Variants in NLRP3 observed in about 807,000 individuals in gnomAD.
NLRP3 encodes the protein NACHT, LRR and PYD domains-containing protein 3.
In NLRP3, 48 loss-of-function variants were observed where a neutral mutation model predicts 91.3. The observed-to-expected ratio is 0.53, with a 90% CI of 0.42 to 0.67. The LOEUF (loss-of-function observed/expected upper bound fraction) is 0.67, where lower values mean the gene tolerates loss of function less well. Ranked by LOEUF, NLRP3 falls within the 30% of genes least tolerant of loss-of-function variation. The pLI, the probability that NLRP3 is intolerant of heterozygous loss-of-function variation, is 0.00. For synonymous variants in NLRP3, 561 were observed against 507.9 expected, an observed-to-expected ratio of 1.10 and a Z score of -1.41; for missense variants, 982 against 1,276.9, an observed-to-expected ratio of 0.77 and a Z score of 3.52.
chr1:247,431,212 A>T (rs12062001), intron 5 of NLRP3, among the ~76,000 whole-genome samples: 25,907 of 150,054 alleles, frequency 0.17, 2,837 homozygotes, highest in African/African-American at 0.32. Flanking sequence ...ATAATAATAA[A>T]AAATGTGCTT....
At chr1:247,431,212 A>AATAATAATAATAATAATAATAAT (rs547689900) in intron 5 of NLRP3, among the ~76,000 whole-genome samples, 12 of 150,530 alleles carry the variant, frequency 8.0e-5, no homozygotes, top group African/African-American at 2.9e-4. Context: ...ATAATAATAA[A>AATAATAATAATAATAATAATAAT]AAATGTGCTT....
At chr1:247,429,282 G>A (rs1482107631) in intron 4 of NLRP3, among the ~76,000 whole-genome samples, 1 of 152,082 alleles carries the variant, frequency 6.6e-6, no homozygotes, top group East Asian at 1.9e-4. Flanking sequence ...GAACGTTCAG[G>A]GCCATGTTGG....
At chr1:247,430,967 T>C (rs571928864) in intron 5 of NLRP3, among the ~76,000 whole-genome samples, 1 of 151,884 alleles carries the variant, frequency 6.6e-6, no homozygotes, top group Non-Finnish European at 1.5e-5. Context: ...TGTGGTCTCA[T>C]CACGTTGCCC....
chr1:247,436,243 T>G, intron 7 of NLRP3, 103 bp downstream of exon 7: 1 of 1,128,022 alleles, frequency 8.9e-7, no homozygotes, highest in Non-Finnish European at 1.3e-6. Context: ...GAGCTGAAGG[T>G]AGAGTAAGGA....
At position 247,444,732 on chromosome 1, in the gene NLRP3, G is replaced by T. The variant is rs368399424; in HGVS notation, c.2916G>T (p.Leu972=). 8 of 1,614,160 alleles carry T rather than the reference G, an allele frequency of 5.0e-6. No individual in the cohort carries two copies. In the African/African-American group the frequency reaches 1.1e-4, roughly 22 times the overall value. The change falls in exon 9 of 10, where the codon CTG becomes CTT. Residue 972 remains leucine (L), a synonymous_variant. Transcript: ENST00000336119. ...CCTCCAGCCAGAGCCTGCGAAAGCT[G>T]AGCCTGGGCAACAATGACCTGGGCG... ...LLTSSQSLRK[L]SLGNNDLGDL...
Position 247,439,644 on chromosome 1 carries a change from G to C in NLRP3, c.2663+3504G>C, listed in dbSNP as rs550530399. ...TCACAATCTGAAGTACTGGGGCCTA[G>C]GACTTCCACATATAAAGTCTTAGAG... On this transcript the variant is annotated intron_variant, in intron 7 of 9. Coordinates refer to ENST00000336119, the MANE Select transcript of NLRP3 (RefSeq NM_001243133.2). Among the ~76,000 whole-genome samples the C allele has an allele frequency of 9.2e-5, 14 of 152,294 alleles. 2 individuals carry two copies. The South Asian group carries it at 2.5e-3, about 27-fold the overall frequency.
chr1:247,436,305 G>T (rs1311556345), intron 7 of NLRP3, among the ~76,000 whole-genome samples, 165 bp downstream of exon 7: 1 of 152,170 alleles, frequency 6.6e-6, no homozygotes, highest in Non-Finnish European at 1.5e-5. Context: ...AATGTATACT[G>T]CTGCTAATAA....
rs755242195 is a variant in NLRP3, at chr1:247,418,765, G to A, written c.-36G>A. The A allele has an allele frequency of 3.7e-6, 6 of 1,612,500 alleles. No homozygotes were observed. The highest frequency in any genetic ancestry group is 1.1e-5 in the South Asian group (1 of 90,980). ...ACTGCCTGGTATCTTAGTGTGGACC[G>A]AAGCCTAAGGACCCTGAAAACAGCT... On this transcript the variant is annotated 5_prime_UTR_variant, in exon 2 of 10. Coordinates refer to ENST00000336119, the MANE Select transcript of NLRP3 (RefSeq NM_001243133.2).
In NLRP3 at chr1:247,425,074, C is replaced by T. The variant is rs199856287; in HGVS notation, c.1625C>T (p.Thr542Met). 78 of 1,614,022 alleles carry T rather than the reference C, an allele frequency of 4.8e-5. No homozygotes were observed. Among genetic ancestry groups the T allele is most frequent in the Middle Eastern group, 1.6e-4 (1 of 6,084 alleles). ...YLLEEEKEGR[T>M]NVPGSRLKLP... is the part of the protein sequence containing the mutation. ...CTGGAAGAGGAAAAGGAAGGAAGGACGAACGTTCCAGGGAGTCGTTTGAAG... is the reference window on the plus strand; with the variant it reads ...CTGGAAGAGGAAAAGGAAGGAAGGATGAACGTTCCAGGGAGTCGTTTGAAG... The change falls in exon 4 of 10, where the codon ACG becomes ATG. Residue 542 changes from threonine to methionine, a missense_variant. By Grantham distance (81) the Thr-to-Met change is moderately conservative. Transcript: ENST00000336119. This position sits in a 1 kb window ranked among gnomAD's most constrained non-coding sequence, Gnocchi z 4.1.
intron 2 of NLRP3, among the ~76,000 whole-genome samples, chr1:247,420,435 C>T (rs1424792583): frequency 4.0e-5 from 6 of 151,522 alleles, no homozygotes; most frequent in Non-Finnish European, 5.9e-5. Context: ...AAATCATGGC[C>T]GGGCATGGTG....
intron 6 of NLRP3, 152 bp downstream of exon 6, chr1:247,434,425 CG>C: frequency 1.3e-6 from 1 of 788,088 alleles, no homozygotes; most frequent in Non-Finnish European, 2.2e-6. Flanking sequence ...TCTAGCATTG[CG>C]GTCAGTGAGT....
intron 8 of NLRP3, 150 bp downstream of exon 8, chr1:247,444,292 G>T: frequency 1.2e-6 from 1 of 864,450 alleles, no homozygotes; most frequent in East Asian, 2.5e-5. Context: ...GGACTGGGAG[G>T]AGTCCTTCCA....
intron 3 of NLRP3, 138 bp downstream of exon 3, chr1:247,423,487 A>G: frequency 2.8e-6 from 3 of 1,070,806 alleles, no homozygotes; most frequent in Non-Finnish European, 4.3e-6. Flanking sequence ...CAGGAAATCC[A>G]TTGTCAGTTG....
chr1:247,445,998 C>T (rs769991451), intron 9 of NLRP3, among the ~76,000 whole-genome samples: 9 of 152,046 alleles, frequency 5.9e-5, no homozygotes, highest in East Asian at 1.9e-4. Context: ...ACCTCTCAAA[C>T]GTCACATCTA....
rs1215652398 is a variant in NLRP3, at chr1:247,418,608, A to G, written c.-193A>G. 1.4e-6 allele frequency: 1 copy of G among 725,922 alleles called. No homozygotes were observed. Among genetic ancestry groups the G allele is most frequent in the Non-Finnish European group, 2.3e-6 (1 of 441,746 alleles). The allele number at this position is 725,922 out of a possible 1,614,324, so 45.0% of individuals were successfully genotyped here. A position where few individuals can be genotyped will look rare whatever the true frequency, so the allele number is the denominator to read the frequency against. On this transcript the variant is annotated 5_prime_UTR_variant, in exon 2 of 10. Coordinates refer to ENST00000336119, the MANE Select transcript of NLRP3 (RefSeq NM_001243133.2). ...TGAGCCACTGTGCCCGGCCTTGGCT[A>G]ACTTTTCAAAATTAAAGATTTTGAC...
chr1:247,417,892 C>T (rs747356404), intron 1 of NLRP3, among the ~76,000 whole-genome samples, 161 bp from the exon 2 acceptor site: 1 of 152,182 alleles, frequency 6.6e-6, no homozygotes, highest in Non-Finnish European at 1.5e-5. Context: ...CTCCTCTCTC[C>T]CTAGCCACGT....
chr1:247,435,540 C>T (rs115581072), intron 6 of NLRP3, among the ~76,000 whole-genome samples: 1,948 of 152,166 alleles, frequency 0.013, 32 homozygotes, highest in African/African-American at 0.044. Flanking sequence ...CAGGAAGAAA[C>T]GTGGTTGCAG....
Position 247,420,315 on chromosome 1 carries a change from C to T in NLRP3, c.277+1238C>T, listed in dbSNP as rs188151977. ...CTTTATGTATTCTAGATATTAACCC[C>T]ATATCAGATATATGATTTACAAATA... On this transcript the variant is annotated intron_variant, in intron 2 of 9. Transcript: ENST00000336119. Among the ~76,000 whole-genome samples the T allele has an allele frequency of 5.3e-4, 80 of 152,228 alleles. 1 individual carries two copies. Among genetic ancestry groups the T allele is most frequent in the African/African-American group, 1.9e-3 (79 of 41,518 alleles).
intron 7 of NLRP3, 146 bp downstream of exon 7, chr1:247,436,286 G>T (rs1663786240): frequency 2.7e-6 from 2 of 743,408 alleles, no homozygotes; most frequent in Non-Finnish European, 4.7e-6. Flanking sequence ...TGAAGGACTG[G>T]AGGCATATAA....
Sources: allele counts gnomAD v4.1 joint callset (sites outside exome capture counted in the v4.1 genomes callset), GRCh38; gene constraint gnomAD v4.1.1; non-coding constraint Gnocchi (gnomAD v3.1); transcripts MANE v1.5; gene names NCBI Gene and HGNC (gene_info 2026-07-23, HGNC 2026-07-21).